PPARGC1A: variants seen among roughly 807,000 people sequenced by gnomAD.
PPARGC1A encodes the protein peroxisome proliferator-activated receptor gamma coactivator 1-alpha.
Under a neutral mutation model 88.7 loss-of-function variants are expected in PPARGC1A, and 25 were observed. That is an observed-to-expected ratio of 0.28 (90% CI 0.21 to 0.39). The LOEUF (loss-of-function observed/expected upper bound fraction) is 0.39. Ranked by LOEUF, PPARGC1A falls within the 10% of genes least tolerant of loss-of-function variation. PPARGC1A has a pLI of 1.00. For missense variants in PPARGC1A, 880 were observed against 968.7 expected, an observed-to-expected ratio of 0.91 and a Z score of 1.22; for synonymous variants, 363 against 355.6, an observed-to-expected ratio of 1.02 and a Z score of -0.24.
chr4:23,976,733 C>T, the PPARGC1A span, among the ~76,000 whole-genome samples: 5 of 152,136 alleles, frequency 3.3e-5, no homozygotes, highest in Non-Finnish European at 5.9e-5. Flanking sequence ...GTAAGGACAA[C>T]GAGAAGGTGG....
the PPARGC1A span, among the ~76,000 whole-genome samples, chr4:24,144,954 T>C: frequency 6.6e-6 from 1 of 151,850 alleles, no homozygotes; most frequent in African/African-American, 2.4e-5. Flanking sequence ...TTTTAACTTT[T>C]AGTAAAAGTA....
chr4:23,886,628 C>A (rs932041040), intron 1 of PPARGC1A, among the ~76,000 whole-genome samples: 1 of 152,100 alleles, frequency 6.6e-6, no homozygotes, highest in African/African-American at 2.4e-5. Context: ...GTATACTTGA[C>A]AAGGCATATA....
At chr4:23,900,739 T>G (rs1052936894), upstream of PPARGC1A, among the ~76,000 whole-genome samples, 2 of 152,318 alleles carry the variant, frequency 1.3e-5, 1 homozygote, top group Middle Eastern at 6.8e-3. Context: ...TCACAAGTTG[T>G]AGGAATGCCA....
the PPARGC1A span, among the ~76,000 whole-genome samples, chr4:24,323,709 T>C: frequency 6.6e-6 from 1 of 152,216 alleles, no homozygotes; most frequent in East Asian, 1.9e-4. Context: ...CACACGGACG[T>C]GCATGAAGTT....
the PPARGC1A span, among the ~76,000 whole-genome samples, chr4:24,079,693 T>G: frequency 3.3e-5 from 5 of 151,990 alleles, no homozygotes; most frequent in African/African-American, 1.2e-4. Flanking sequence ...CCCTACACTT[T>G]CTCCTCTTTA....
chr4:24,034,218 T>C, the PPARGC1A span, among the ~76,000 whole-genome samples: 1 of 152,204 alleles, frequency 6.6e-6, no homozygotes, highest in Non-Finnish European at 1.5e-5. Flanking sequence ...AATATCCATA[T>C]TCTATTTTGT....
the PPARGC1A span, among the ~76,000 whole-genome samples, chr4:24,363,974 G>A: frequency 2.6e-4 from 39 of 152,062 alleles, no homozygotes; most frequent in African/African-American, 7.2e-4. Context: ...TGCTCCTACC[G>A]TGTTCCTTAT....
chr4:24,217,136 G>C, the PPARGC1A span, among the ~76,000 whole-genome samples: 1 of 152,172 alleles, frequency 6.6e-6, no homozygotes, highest in South Asian at 2.1e-4. Context: ...GACATGAAGA[G>C]TTTATTTGTC....
chr4:23,994,726 A>G, the PPARGC1A span, among the ~76,000 whole-genome samples: 2 of 152,172 alleles, frequency 1.3e-5, no homozygotes, highest in Non-Finnish European at 2.9e-5. Flanking sequence ...ATCATAAGAA[A>G]GAAAGAAGGC....
upstream of PPARGC1A, chr4:23,890,251 A>G: frequency 2.3e-6 from 1 of 434,894 alleles, no homozygotes; most frequent in Non-Finnish European, 3.6e-6. Flanking sequence ...AAGAAAAGAA[A>G]GAAAGAAAGG....
At chr4:24,382,473 G>T in the PPARGC1A span, among the ~76,000 whole-genome samples, 1 of 151,930 alleles carries the variant, frequency 6.6e-6, no homozygotes, top group African/African-American at 2.4e-5. Flanking sequence ...GAACAACTGG[G>T]GACCAAAACC....
the PPARGC1A span, among the ~76,000 whole-genome samples, chr4:24,092,629 T>G: frequency 4.3e-4 from 66 of 152,316 alleles, no homozygotes; most frequent in African/African-American, 1.5e-3. Context: ...CTGGTAATTT[T>G]TGTCCCAAAA....
the PPARGC1A span, among the ~76,000 whole-genome samples, chr4:24,348,149 C>T: frequency 6.6e-6 from 1 of 152,204 alleles, no homozygotes. Context: ...TCCCTTCTAG[C>T]TTGTAAGGTT....
At chr4:23,822,118 A>G (rs145714398) in intron 7 of PPARGC1A, among the ~76,000 whole-genome samples, 1 of 152,262 alleles carries the variant, frequency 6.6e-6, no homozygotes, top group East Asian at 1.9e-4. Context: ...GGTGTACAAG[A>G]GATCAAGGAT....
chr4:24,427,393 A>C, the PPARGC1A span, among the ~76,000 whole-genome samples: 1 of 151,390 alleles, frequency 6.6e-6, no homozygotes, highest in African/African-American at 2.4e-5. Flanking sequence ...CCATCCTCCC[A>C]ACTCAGCCTC....
At chr4:23,987,896 C>T in the PPARGC1A span, among the ~76,000 whole-genome samples, 2 of 151,934 alleles carry the variant, frequency 1.3e-5, no homozygotes, top group Non-Finnish European at 1.5e-5. Context: ...CCCATCAACC[C>T]GTCACCTACA....
At chr4:24,263,324 G>A in the PPARGC1A span, among the ~76,000 whole-genome samples, 1 of 152,136 alleles carries the variant, frequency 6.6e-6, no homozygotes, top group Non-Finnish European at 1.5e-5. Context: ...AGAGTGCATG[G>A]ACAGTTGTCA....
intron 2 of PPARGC1A, among the ~76,000 whole-genome samples, chr4:23,838,754 C>G (rs926680372): frequency 1.3e-5 from 2 of 152,150 alleles, no homozygotes; most frequent in Non-Finnish European, 2.9e-5. Flanking sequence ...CATGGGCATA[C>G]AGGCTACTTG....
intron 2 of PPARGC1A, among the ~76,000 whole-genome samples, chr4:23,846,983 A>G (rs965074680): frequency 6.6e-6 from 1 of 152,184 alleles, no homozygotes; most frequent in Non-Finnish European, 1.5e-5. Context: ...AGATGCTTGT[A>G]AAGTAGTGAC....
Sources: gnomAD v4.1 joint callset for allele counts (sites outside exome capture counted in the v4.1 genomes callset) on GRCh38, gnomAD v4.1.1 for gene constraint, MANE v1.5 for transcripts, NCBI Gene and HGNC (gene_info 2026-07-23, HGNC 2026-07-21) for gene names.